The following PIP5K1A variants were observed in gnomAD, a reference collection of about 807,000 sequenced individuals.
The protein encoded by PIP5K1A is phosphatidylinositol 4-phosphate 5-kinase type-1 alpha.
Under a neutral mutation model 72.9 loss-of-function variants are expected in PIP5K1A, and 46 were observed. That is an observed-to-expected ratio of 0.63 (90% confidence interval 0.50 to 0.81). The LOEUF (loss-of-function observed/expected upper bound fraction) is 0.81, where lower values mean the gene tolerates loss of function less well. PIP5K1A is among the 30% of genes least tolerant of loss of function. PIP5K1A has a pLI of 0.00. For missense variants in PIP5K1A, 458 were observed against 706.1 expected (o/e 0.65, Z 3.98); for synonymous variants, 228 against 255.1 (o/e 0.89, Z 1.01).
chr1:151,198,966 C>A lies in PIP5K1A; in HGVS notation c.-31C>A, dbSNP rs1268334705. The A allele has an allele frequency of 4.4e-6, 7 of 1,601,204 alleles. No homozygotes were observed. The highest frequency in any genetic ancestry group is 1.1e-5 in the South Asian group (1 of 90,844). Reference sequence around the variant, plus strand: ...GAGGAAGAACCGGATTGAAAGAGAGCCAGGCCGCTGAGGGGGAGGGGGCTG... The same window carrying A: ...GAGGAAGAACCGGATTGAAAGAGAGACAGGCCGCTGAGGGGGAGGGGGCTG... On this transcript the variant is annotated 5_prime_UTR_variant, in exon 1 of 16. Transcript: ENST00000368888.
intron 3 of PIP5K1A, among the ~76,000 whole-genome samples, chr1:151,226,891 G>A (rs1210169649): frequency 6.6e-6 from 1 of 151,842 alleles, no homozygotes; most frequent in Admixed American, 6.6e-5. Context: ...GTCAGGTGTG[G>A]TGGTGTGCAC....
intron 1 of PIP5K1A, among the ~76,000 whole-genome samples, chr1:151,219,702 A>G (rs1688133184): frequency 6.6e-6 from 1 of 151,842 alleles, no homozygotes; most frequent in South Asian, 2.1e-4. Context: ...CTAAAAAAAA[A>G]GAAACAAAAC....
At chr1:151,245,875 C>T (rs1692429628) in intron 14 of PIP5K1A, among the ~76,000 whole-genome samples, 1 of 152,138 alleles carries the variant, frequency 6.6e-6, no homozygotes, top group Non-Finnish European at 1.5e-5. Flanking sequence ...AGCAGCACCT[C>T]AATTCCAGGT....
chr1:151,203,862 A>C (rs372800004), intron 1 of PIP5K1A, among the ~76,000 whole-genome samples: 9 of 151,888 alleles, frequency 5.9e-5, no homozygotes, highest in African/African-American at 2.2e-4. Flanking sequence ...CTTAAACCCT[A>C]GATAATCATG....
intron 1 of PIP5K1A, among the ~76,000 whole-genome samples, chr1:151,215,071 C>T (rs1687386145): frequency 7.0e-6 from 1 of 142,404 alleles, no homozygotes; most frequent in African/African-American, 2.6e-5. Context: ...GCTCTCGTTG[C>T]CCAGGCTGGA....
chr1:151,238,363 C>A, intron 10 of PIP5K1A, 98 bp downstream of exon 10: 1 of 812,992 alleles, frequency 1.2e-6, no homozygotes, highest in Non-Finnish European at 2.1e-6. Context: ...CTTCCGGAAG[C>A]AAGAACAGTG....
At chr1:151,209,879 T>A (rs975851014) in intron 1 of PIP5K1A, among the ~76,000 whole-genome samples, 8 of 152,034 alleles carry the variant, frequency 5.3e-5, no homozygotes, top group Non-Finnish European at 1.2e-4. Flanking sequence ...GCCTGCATTT[T>A]TTTTTCTTTC....
At chr1:151,205,666 C>T (rs1685827858) in intron 1 of PIP5K1A, among the ~76,000 whole-genome samples, 1 of 151,916 alleles carries the variant, frequency 6.6e-6, no homozygotes, top group Non-Finnish European at 1.5e-5. Flanking sequence ...GACGTGGTGG[C>T]GTGCTCGTGT....
At position 151,231,710 on chromosome 1, in the gene PIP5K1A, A is replaced by G; in HGVS notation, c.277A>G (p.Ile93Val). 6.2e-7 allele frequency: 1 copy of G among 1,613,454 alleles called. No individual in the cohort carries two copies. Among genetic ancestry groups the G allele is most frequent in the Non-Finnish European group, 8.5e-7 (1 of 1,179,388 alleles). Residue 93 changes from isoleucine to valine, a missense_variant, in exon 5 of 16, where the codon ATT becomes GTT. Ile to Val is a conservative substitution (Grantham distance 29). Around this residue, in one of 3 missense-constraint regions of PIP5K1A, gnomAD observed 220 missense variants for 442.6 expected, o/e 0.50. Transcript: ENST00000368888. ...SALKGAIQLG[I>V]THTVGSLSTK... ...CTTGAAAGGTGCCATCCAGTTAGGC[A>G]TTACCCACACTGTGGGGAGCCTGAG...
rs753003503 is a variant in PIP5K1A at position 151,242,528 on chromosome 1, C to T, written c.1601C>T (p.Ser534Leu). The change falls in exon 14 of 16, where the codon TCA (serine) becomes TTA (leucine). Residue 534 changes from serine (S) to leucine (L), a missense_variant. This residue lies in a region of PIP5K1A where 157 missense variants were observed against 175.5 expected (regional missense o/e 0.89). Transcript: ENST00000368888. ...TCGCCTATTCCTGACCCCAGTTTCT[C>T]ACCTCTAGTTGGAGAGACTTTGCAA... Reference protein sequence around the residue: ...EGSPIPDPSFSPLVGETLQML... With the variant: ...EGSPIPDPSFLPLVGETLQML... 4.3e-6 allele frequency: 7 copies of T among 1,613,960 alleles called. No individual in the cohort carries two copies. The highest frequency in any genetic ancestry group is 5.9e-6 in the Non-Finnish European group (7 of 1,179,776).
rs770170600 is a variant in PIP5K1A, at chr1:151,247,847, C to T, written c.1687-16C>T. On this transcript the variant is annotated splice_polypyrimidine_tract_variant and intron_variant, in intron 15 of 15. Coordinates refer to ENST00000368888, the MANE Select transcript of PIP5K1A (RefSeq NM_001135638.2). ...CTCATACTCCACATCCTTAACTTTA[C>T]ACTCTCCCTTTTCAGTAAGCGCAAA... 3.7e-6 allele frequency: 6 copies of T among 1,604,356 alleles called. No homozygotes were observed. The highest frequency in any genetic ancestry group is 2.2e-5 in the South Asian group (2 of 90,608).
At position 151,247,774 on chromosome 1, in the gene PIP5K1A, A is replaced by T. The variant is rs1481047230; in HGVS notation, c.1687-89A>T. Reference sequence around the variant, plus strand: ...TTTGGTACCTCATACTTGGAGGCTGAGGCTGAAATAGAAATTTCTTAACGC... The same window carrying T: ...TTTGGTACCTCATACTTGGAGGCTGTGGCTGAAATAGAAATTTCTTAACGC... On this transcript the variant is annotated intron_variant, in intron 15 of 15. Transcript: ENST00000368888. 2.7e-6 allele frequency: 3 copies of T among 1,112,008 alleles called. No individual in the cohort carries two copies. The Admixed American group carries it at 6.5e-5, about 24-fold the overall frequency. The allele number at this position is 1,112,008 out of a possible 1,614,324, so 68.9% of individuals were successfully genotyped here. A position where few individuals can be genotyped will look rare whatever the true frequency, so the allele number is the denominator to read the frequency against.
At position 151,198,588 on chromosome 1, in the gene PIP5K1A, G is replaced by A. The variant is rs1393368735; in HGVS notation, c.-409G>A. ...TGGCTACCCGGAGTGAAGCGGCCGG[G>A]TTGGGCGATTAACAGGCCGTGGTTA... On this transcript the variant is annotated 5_prime_UTR_variant, in exon 1 of 16. Transcript: ENST00000368888. The A allele has an allele frequency of 1.4e-5, 3 of 207,366 alleles. No individual in the cohort carries two copies. The highest frequency in any genetic ancestry group is 3.0e-5 in the Non-Finnish European group (3 of 100,500). The allele number at this position is 207,366 out of a possible 1,614,324, so 12.8% of individuals were successfully genotyped here.
Position 151,236,705 on chromosome 1 carries a change from GC to G in PIP5K1A, c.1089del (p.Met364TrpfsTer92), listed in dbSNP as rs1690905092. On this transcript the variant is annotated frameshift_variant, in exon 9 of 16. Transcript: ENST00000368888. LOFTEE classifies it high-confidence loss of function. ...CCCCCAAAAGGCTCTGTATTCCACAGCCATGGAATCCATCCAGGGAGAGGCT... is the reference window on the plus strand; with the variant it reads ...CCCCCAAAAGGCTCTGTATTCCACAGCATGGAATCCATCCAGGGAGAGGCT... ...PAPQKALYST[A>X]MESIQGEARR... The G allele has an allele frequency of 6.2e-7, 1 of 1,613,606 alleles. No individual in the cohort carries two copies. The highest frequency in any genetic ancestry group is 8.5e-7 in the Non-Finnish European group (1 of 1,179,970).
At chr1:151,238,128 T>C in intron 9 of PIP5K1A, 54 bp from the exon 10 acceptor site, 1 of 1,133,082 alleles carries the variant, frequency 8.8e-7, no homozygotes, top group Non-Finnish European at 1.3e-6. Flanking sequence ...CCCATCCTGA[T>C]CTGACTAAAC....
chr1:151,199,094 G>A lies in PIP5K1A; in HGVS notation c.85+13G>A. ...ACCTTGTCCTCAGGTAAGCCCGGCAGGGCGTGGGTAGGGAGCTGGTGAGGA... is the reference window on the plus strand; with the variant it reads ...ACCTTGTCCTCAGGTAAGCCCGGCAAGGCGTGGGTAGGGAGCTGGTGAGGA... On this transcript the variant is annotated intron_variant, in intron 1 of 15. Transcript: ENST00000368888. The A allele has an allele frequency of 6.2e-7, 1 of 1,614,032 alleles. No homozygotes were observed.
At chr1:151,208,877 C>T (rs587660830) in intron 1 of PIP5K1A, among the ~76,000 whole-genome samples, 33 of 151,304 alleles carry the variant, frequency 2.2e-4, no homozygotes, top group African/African-American at 7.8e-4. Context: ...GGACTACAGG[C>T]GCCTGCTACC....
intron 1 of PIP5K1A, among the ~76,000 whole-genome samples, chr1:151,214,180 A>T (rs1176509263): frequency 6.6e-6 from 1 of 152,172 alleles, no homozygotes; most frequent in Non-Finnish European, 1.5e-5. Context: ...TTGTTCACTT[A>T]GATTCTTTCC....
chr1:151,235,844 C>T (rs587771363), intron 8 of PIP5K1A, among the ~76,000 whole-genome samples: 2 of 152,290 alleles, frequency 1.3e-5, no homozygotes, highest in African/African-American at 2.4e-5. Flanking sequence ...CTAACCAGGC[C>T]GGGCGTGGTG....
Sources: gnomAD v4.1 joint callset for allele counts (sites outside exome capture counted in the v4.1 genomes callset) on GRCh38, gnomAD v4.1.1 for gene constraint, gnomAD v4.1.1 regional missense constraint, MANE v1.5 for transcripts, NCBI Gene and HGNC (gene_info 2026-07-23, HGNC 2026-07-21) for gene names.